RSAD2: variants seen among roughly 807,000 people sequenced by gnomAD.
The protein encoded by RSAD2 is S-adenosylmethionine-dependent nucleotide dehydratase RSAD2.
RSAD2 carries 38 observed loss-of-function variants against 37.7 expected under a neutral mutation model. That is an observed-to-expected ratio of 1.01 (90% CI 0.78 to 1.32). RSAD2 has a LOEUF of 1.32. Among genes scored for constraint, RSAD2 ranks in the 40% most tolerant of loss-of-function variants. The pLI is 0.00. For missense variants in RSAD2, 428 were observed against 437.5 expected, an observed-to-expected ratio of 0.98 and a Z score of 0.19; for synonymous variants, 163 against 157.4, an observed-to-expected ratio of 1.04 and a Z score of -0.27.
In RSAD2 at chr2:6,887,044, G is replaced by A. The variant is rs776590572; in HGVS notation, c.618G>A (p.Lys206=). 6.2e-7 allele frequency: 1 copy of A among 1,614,174 alleles called. No individual in the cohort carries two copies. The highest frequency in any genetic ancestry group is 8.5e-7 in the Non-Finnish European group (1 of 1,179,994). ...AGAACCATGTGGAAAACCTTCAAAA[G>A]CTGAGGAGGTGGTGTAGGGATTATA... ...GKKNHVENLQ[K]LRRWCRDYRV... Residue 206 remains lysine (K), a synonymous_variant, in exon 3 of 6, where the codon AAG becomes AAA. Coordinates refer to ENST00000382040, the MANE Select transcript of RSAD2 (RefSeq NM_080657.5).
intron 2 of RSAD2, among the ~76,000 whole-genome samples, chr2:6,885,663 T>C (rs914021292): frequency 3.5e-4 from 54 of 152,180 alleles, no homozygotes; most frequent in Non-Finnish European, 7.2e-4. Context: ...CATGGACACA[T>C]AGCAAAAGTT....
intron 1 of RSAD2, 148 bp from the exon 2 acceptor site, chr2:6,883,223 G>A (rs1397476609): frequency 1.3e-6 from 1 of 756,768 alleles, no homozygotes; most frequent in African/African-American, 1.8e-5. Context: ...CCATTGGGTG[G>A]GATTGGTGTT....
At chr2:6,872,301 CAA>C (rs1188670949) in intron 1 of RSAD2, among the ~76,000 whole-genome samples, 3 of 152,094 alleles carry the variant, frequency 2.0e-5, no homozygotes, top group Admixed American at 1.3e-4. Flanking sequence ...TTCAGAAGAA[CAA>C]GAGTTCTTTG....
At chr2:6,871,700 T>C (rs1446693480) in intron 1 of RSAD2, among the ~76,000 whole-genome samples, 1 of 152,208 alleles carries the variant, frequency 6.6e-6, no homozygotes, top group East Asian at 1.9e-4. Flanking sequence ...CTACCTGTAT[T>C]TTTTTGTGTG....
At chr2:6,867,994 C>G (rs1663134883) in intron 1 of RSAD2, among the ~76,000 whole-genome samples, 1 of 152,204 alleles carries the variant, frequency 6.6e-6, no homozygotes, top group Admixed American at 6.5e-5. Flanking sequence ...AGAGCCACAG[C>G]TGGATGTTTA....
At chr2:6,876,023 T>C (rs1572152636), upstream of RSAD2, among the ~76,000 whole-genome samples, 3 of 152,286 alleles carry the variant, frequency 2.0e-5, no homozygotes, top group South Asian at 6.2e-4. Context: ...GCTCGTGTGG[T>C]CCTAGACAAA....
upstream of RSAD2, among the ~76,000 whole-genome samples, chr2:6,876,238 G>A (rs2103237951): frequency 6.6e-6 from 1 of 152,254 alleles, no homozygotes; most frequent in Non-Finnish European, 1.5e-5. Flanking sequence ...TTTCCAGCCG[G>A]CTTCCCCTGC....
At chr2:6,876,375 G>A (rs1663281401), upstream of RSAD2, among the ~76,000 whole-genome samples, 1 of 152,134 alleles carries the variant, frequency 6.6e-6, no homozygotes. Context: ...CCCCCACTAG[G>A]ATCGTGCTGA....
chr2:6,866,352 C>G, intron 1 of RSAD2: 3 of 830,090 alleles, frequency 3.6e-6, no homozygotes, highest in Non-Finnish European at 4.4e-6. Flanking sequence ...AGTTCTGGCT[C>G]TTCCCTCTCC....
intron 1 of RSAD2, among the ~76,000 whole-genome samples, chr2:6,881,633 A>G (rs1403480246): frequency 6.6e-6 from 1 of 152,256 alleles, no homozygotes; most frequent in Non-Finnish European, 1.5e-5. Flanking sequence ...AGAGACAAGA[A>G]AGAGGTTTGC....
chr2:6,867,002 AT>A (rs1397055434), intron 1 of RSAD2, among the ~76,000 whole-genome samples: 2 of 152,200 alleles, frequency 1.3e-5, no homozygotes, highest in Non-Finnish European at 2.9e-5. Context: ...AATAGTTTTT[AT>A]TCTTTCTCAG....
chr2:6,886,916 C>T lies in RSAD2; in HGVS notation c.509-19C>T, dbSNP rs368491591. ...TGGTCCTTGGATAGAAAAGTTTAAA[C>T]ATGATCATTTTCCCTCAGGTGAGTA... On this transcript the variant is annotated intron_variant, in intron 2 of 5. Coordinates refer to ENST00000382040, the MANE Select transcript of RSAD2 (RefSeq NM_080657.5). 1.3e-4 allele frequency: 200 copies of T among 1,596,356 alleles called. No homozygotes were observed. The highest frequency in any genetic ancestry group is 1.6e-4 in the Non-Finnish European group (182 of 1,164,412).
At chr2:6,878,272 T>C in intron 1 of RSAD2, 126 bp downstream of exon 1, 1 of 737,156 alleles carries the variant, frequency 1.4e-6, no homozygotes, top group Non-Finnish European at 2.2e-6. Flanking sequence ...CCATTTACCC[T>C]TGCATGGTGA....
intron 3 of RSAD2, among the ~76,000 whole-genome samples, chr2:6,889,691 T>G (rs1261966815): frequency 6.6e-6 from 1 of 152,210 alleles, no homozygotes; most frequent in Non-Finnish European, 1.5e-5. Context: ...TTTGTTTACT[T>G]AAAAGACTGT....
At chr2:6,893,298 A>G (rs550691187) in intron 4 of RSAD2, among the ~76,000 whole-genome samples, 2 of 152,330 alleles carry the variant, frequency 1.3e-5, no homozygotes, top group Admixed American at 1.3e-4. Context: ...TTATACATTG[A>G]AAAGGGAGAA....
In RSAD2 at chr2:6,886,931, T is replaced by C; in HGVS notation, c.509-4T>C. The stretch of plus-strand genomic sequence containing the variant: ...AAAGTTTAAACATGATCATTTTCCC[T>C]CAGGTGAGTATTTGGACATTCTCGC... On this transcript the variant is annotated splice_polypyrimidine_tract_variant and splice_region_variant and intron_variant, in intron 2 of 5. Coordinates refer to ENST00000382040, the MANE Select transcript of RSAD2 (RefSeq NM_080657.5). The C allele has an allele frequency of 1.4e-5, 22 of 1,611,040 alleles. No individual in the cohort carries two copies. The highest frequency in any genetic ancestry group is 1.9e-5 in the Non-Finnish European group (22 of 1,177,262).
chr2:6,893,177 A>G (rs370986182), intron 4 of RSAD2, among the ~76,000 whole-genome samples: 2 of 152,234 alleles, frequency 1.3e-5, no homozygotes, highest in South Asian at 2.1e-4. Context: ...TACAGCTTCT[A>G]TATACCTATA....
At chr2:6,872,414 A>G (rs1663217044) in intron 1 of RSAD2, among the ~76,000 whole-genome samples, 1 of 152,178 alleles carries the variant, frequency 6.6e-6, no homozygotes, top group Admixed American at 6.5e-5. Flanking sequence ...GATTGTCGGT[A>G]TGGCAGATTT....
At chr2:6,881,570 G>T (rs1419089028) in intron 1 of RSAD2, among the ~76,000 whole-genome samples, 1 of 152,226 alleles carries the variant, frequency 6.6e-6, no homozygotes, top group Non-Finnish European at 1.5e-5. Context: ...AGGGTTGAAA[G>T]CTTTAACCAT....
Sources: allele counts gnomAD v4.1 joint callset (sites outside exome capture counted in the v4.1 genomes callset), GRCh38; gene constraint gnomAD v4.1.1; transcripts MANE v1.5; gene names NCBI Gene and HGNC (gene_info 2026-07-23, HGNC 2026-07-21).